Variants in MAP3K13 observed in about 807,000 individuals in gnomAD.
The protein encoded by MAP3K13 is mitogen-activated protein kinase kinase kinase 13.
MAP3K13 carries 52 observed loss-of-function variants against 104.0 expected under a neutral mutation model. That is an observed-to-expected ratio of 0.50 (90% CI 0.40 to 0.63). The LOEUF (loss-of-function observed/expected upper bound fraction) is 0.63, where lower values mean the gene tolerates loss of function less well. Ranked by LOEUF, MAP3K13 falls within the 20% of genes least tolerant of loss-of-function variation. MAP3K13 has a pLI of 0.00. For synonymous variants in MAP3K13, 394 were observed against 442.2 expected, an observed-to-expected ratio of 0.89 and a Z score of 1.37; for missense variants, 914 against 1,218.5, an observed-to-expected ratio of 0.75 and a Z score of 3.72.
intron 1 of MAP3K13, among the ~76,000 whole-genome samples, chr3:185,379,908 G>A (rs559353557): frequency 6.6e-5 from 10 of 152,130 alleles, no homozygotes; most frequent in East Asian, 1.9e-4. Flanking sequence ...ATTCTTGGCC[G>A]GGTGCAGTGG....
chr3:185,286,013 G>A (rs1031606576), intron 2 of MAP3K13, among the ~76,000 whole-genome samples: 1 of 151,958 alleles, frequency 6.6e-6, no homozygotes, highest in African/African-American at 2.4e-5. Context: ...TCCAAGTTTC[G>A]CTGTGTAATA....
At chr3:185,362,573 A>G (rs568316995), upstream of MAP3K13, among the ~76,000 whole-genome samples, 2 of 152,284 alleles carry the variant, frequency 1.3e-5, no homozygotes, top group East Asian at 1.9e-4. Flanking sequence ...ACATTCGTGT[A>G]ATATTATTTT....
chr3:185,411,310 C>T (rs951819568), intron 1 of MAP3K13, among the ~76,000 whole-genome samples: 1 of 152,124 alleles, frequency 6.6e-6, no homozygotes, highest in Non-Finnish European at 1.5e-5. Flanking sequence ...TCACAAAACC[C>T]ATGTACAAAA....
chr3:185,349,589 T>C (rs1344162081), intron 2 of MAP3K13, among the ~76,000 whole-genome samples: 1 of 152,230 alleles, frequency 6.6e-6, no homozygotes, highest in Non-Finnish European at 1.5e-5. Context: ...TATTTTGGAA[T>C]GAATAATTTT....
At chr3:185,420,211 G>A (rs369731265) in intron 1 of MAP3K13, among the ~76,000 whole-genome samples, 1 of 151,666 alleles carries the variant, frequency 6.6e-6, no homozygotes, top group African/African-American at 2.4e-5. Flanking sequence ...AGTTTTTATT[G>A]TTCCTTCAAA....
intron 1 of MAP3K13, among the ~76,000 whole-genome samples, chr3:185,283,898 C>CTTTTTTTTT (rs1201384582): frequency 5.6e-4 from 71 of 127,380 alleles, no homozygotes; most frequent in East Asian, 1.3e-3. Context: ...TTCTTTCTTT[C>CTTTTTTTTT]TTTTTTTTTT....
intron 2 of MAP3K13, among the ~76,000 whole-genome samples, chr3:185,340,370 A>G (rs1001383189): frequency 6.6e-6 from 1 of 152,190 alleles, no homozygotes; most frequent in Non-Finnish European, 1.5e-5. Context: ...GCAGCCTAAT[A>G]GGTTGGGAGA....
rs1718532378 is a variant in MAP3K13, at chr3:185,482,666, GA to G, written c.*212del. ...TATCCAAATGAAATTAAGTCTCACTGAACATTTCAATCAAGAATGGCAGGGA... is the reference window on the plus strand; with the variant it reads ...TATCCAAATGAAATTAAGTCTCACTGACATTTCAATCAAGAATGGCAGGGA... On this transcript the variant is annotated 3_prime_UTR_variant, in exon 14 of 14. Coordinates refer to ENST00000265026, the MANE Select transcript of MAP3K13 (RefSeq NM_004721.5). The surrounding 1 kb of genome is among the most constrained non-coding windows in gnomAD (Gnocchi z 4.5). 1 of 503,544 alleles carries G rather than the reference GA, an allele frequency of 2.0e-6. No homozygotes were observed. 31.2% of individuals were successfully genotyped at this position (503,544 alleles called of 1,614,324 possible).
chr3:185,300,724 T>C (rs1198978971), intron 2 of MAP3K13, among the ~76,000 whole-genome samples: 1 of 143,358 alleles, frequency 7.0e-6, no homozygotes, highest in African/African-American at 2.6e-5. Context: ...ACTCCTGACC[T>C]CAAGTGATCC....
At chr3:185,348,024 A>AAG (rs1560058843) in intron 2 of MAP3K13, among the ~76,000 whole-genome samples, 1 of 151,692 alleles carries the variant, frequency 6.6e-6, no homozygotes, top group African/African-American at 2.4e-5. Flanking sequence ...AAAAAAAAAA[A>AAG]AAAGAAAGAA....
rs771959183 is a variant in MAP3K13 at position 185,428,605 on chromosome 3, G to T, written c.24G>T (p.Leu8=). MANFQEH[L]SCSSSPHLPF... is the part of the protein sequence containing the mutation. ...CGATGGCCAACTTTCAGGAGCACCT[G>T]AGCTGCTCCTCTTCTCCACACTTAC... The change falls in exon 2 of 14, where the codon CTG becomes CTT. Residue 8 remains leucine (L), a synonymous_variant. Coordinates refer to ENST00000265026, the MANE Select transcript of MAP3K13 (RefSeq NM_004721.5). The T allele has an allele frequency of 6.2e-7, 1 of 1,603,692 alleles. No homozygotes were observed. The highest frequency in any genetic ancestry group is 8.5e-7 in the Non-Finnish European group (1 of 1,173,256).
At chr3:185,424,518 C>T (rs1275726271) in intron 1 of MAP3K13, among the ~76,000 whole-genome samples, 1 of 152,128 alleles carries the variant, frequency 6.6e-6, no homozygotes, top group Non-Finnish European at 1.5e-5. Flanking sequence ...CTGGAGCTGG[C>T]TTATACACCA....
At chr3:185,446,972 A>G (rs915923262) in intron 4 of MAP3K13, among the ~76,000 whole-genome samples, 14 of 152,216 alleles carry the variant, frequency 9.2e-5, no homozygotes, top group Non-Finnish European at 1.8e-4. Context: ...TCAGAAAGGT[A>G]GTGCACTACC....
At chr3:185,479,980 C>T (rs772447630) in intron 12 of MAP3K13, among the ~76,000 whole-genome samples, 3 of 152,196 alleles carry the variant, frequency 2.0e-5, no homozygotes, top group Non-Finnish European at 4.4e-5. Context: ...ACTTTATTTA[C>T]TTCCTAAAAG....
At chr3:185,465,957 G>A (rs781610512) in intron 9 of MAP3K13, 94 bp downstream of exon 9, 9 of 925,894 alleles carry the variant, frequency 9.7e-6, no homozygotes, top group African/African-American at 1.6e-5. Context: ...CTCAGAACTG[G>A]CAGATATTTT....
chr3:185,412,252 CAAAT>C (rs1713494706), intron 1 of MAP3K13, among the ~76,000 whole-genome samples: 1 of 151,816 alleles, frequency 6.6e-6, no homozygotes, highest in African/African-American at 2.4e-5. Context: ...TTTTCTGTCA[CAAAT>C]AGTTTATTAT....
chr3:185,291,764 C>T (rs1365558744), intron 2 of MAP3K13: 1 of 1,476,266 alleles, frequency 6.8e-7, no homozygotes, highest in Non-Finnish European at 8.9e-7. Context: ...CACAAAAGTA[C>T]AAGCTTAAAG....
chr3:185,381,812 G>T (rs956884528), intron 1 of MAP3K13, among the ~76,000 whole-genome samples: 1 of 152,186 alleles, frequency 6.6e-6, no homozygotes, highest in Non-Finnish European at 1.5e-5. Flanking sequence ...TTAAACAGAA[G>T]CACACATAAA....
intron 1 of MAP3K13, among the ~76,000 whole-genome samples, chr3:185,427,388 T>C (rs2108800970): frequency 6.6e-6 from 1 of 151,898 alleles, no homozygotes; most frequent in East Asian, 1.9e-4. Flanking sequence ...AAAACATACT[T>C]TGAATAAATT....
Sources: allele counts gnomAD v4.1 joint callset (sites outside exome capture counted in the v4.1 genomes callset), GRCh38; gene constraint gnomAD v4.1.1; non-coding constraint Gnocchi (gnomAD v3.1); transcripts MANE v1.5; gene names NCBI Gene and HGNC (gene_info 2026-07-23, HGNC 2026-07-21).